The following LTBP1 variants were observed in gnomAD, a reference collection of about 807,000 sequenced individuals.
The protein encoded by LTBP1 is latent-transforming growth factor beta-binding protein 1.
Under a neutral mutation model 207.6 loss-of-function variants are expected in LTBP1, and 129 were observed. The observed-to-expected ratio is 0.62, with a 90% CI of 0.54 to 0.72. The LOEUF (loss-of-function observed/expected upper bound fraction) is 0.72. Among genes scored for constraint, LTBP1 ranks in the 30% least tolerant of loss-of-function variants. The probability of loss-of-function intolerance (pLI) is 0.00; values close to 1 mark genes in which losing one functional copy is unlikely to be tolerated. For missense variants in LTBP1, 2,281 were observed against 2,217.2 expected (o/e 1.03, Z -0.58); for synonymous variants, 963 against 833.7 (o/e 1.16, Z -2.67).
intron 1 of LTBP1, among the ~76,000 whole-genome samples, chr2:32,948,052 G>A (rs1234001561): frequency 2.0e-5 from 3 of 152,220 alleles, no homozygotes; most frequent in African/African-American, 2.4e-5. Context: ...CCGAGCTGCG[G>A]GTAAACACAA....
chr2:33,005,517 A>G (rs924632238), intron 2 of LTBP1, among the ~76,000 whole-genome samples: 5 of 151,242 alleles, frequency 3.3e-5, no homozygotes, highest in Non-Finnish European at 5.9e-5. Context: ...AGGTCTTAGT[A>G]TGGCACTTCT....
intron 13 of LTBP1, 111 bp from the exon 14 acceptor site, chr2:33,262,607 CCTTT>C: frequency 2.5e-6 from 1 of 406,552 alleles, no homozygotes; most frequent in Non-Finnish European, 4.3e-6. Context: ...TATTTCTTTG[CCTTT>C]CTAAGAATAT....
chr2:33,303,692 C>G (rs1447767434), intron 22 of LTBP1, among the ~76,000 whole-genome samples: 2 of 152,110 alleles, frequency 1.3e-5, no homozygotes, highest in African/African-American at 4.8e-5. Flanking sequence ...ACCTAGATCC[C>G]TCACATGCGC....
At chr2:33,136,318 C>G (rs542306737) in intron 5 of LTBP1, among the ~76,000 whole-genome samples, 1 of 152,296 alleles carries the variant, frequency 6.6e-6, no homozygotes, top group East Asian at 1.9e-4. Flanking sequence ...GGATTCTGGT[C>G]CCGGTCCTGC....
At chr2:33,133,628 A>G (rs2081953975) in intron 4 of LTBP1, among the ~76,000 whole-genome samples, 2 of 152,204 alleles carry the variant, frequency 1.3e-5, no homozygotes, top group African/African-American at 4.8e-5. Flanking sequence ...GAGACAGTGC[A>G]GTTCTGCCGT....
intron 7 of LTBP1, among the ~76,000 whole-genome samples, chr2:33,205,537 G>A (rs1431578899): frequency 6.6e-6 from 1 of 152,156 alleles, no homozygotes; most frequent in Non-Finnish European, 1.5e-5. Context: ...CAGGGACTTG[G>A]GTTGATAGTG....
At chr2:33,299,463 C>T (rs2093942964) in intron 20 of LTBP1, among the ~76,000 whole-genome samples, 1 of 152,182 alleles carries the variant, frequency 6.6e-6, no homozygotes, top group Admixed American at 6.5e-5. Flanking sequence ...TAGATTAGGG[C>T]TCCTTTCTCC....
intron 7 of LTBP1, among the ~76,000 whole-genome samples, chr2:33,195,458 A>T (rs1006358099): frequency 1.3e-5 from 2 of 152,326 alleles, no homozygotes. Flanking sequence ...GGGGTACAAA[A>T]TTTCAGTGGA....
Position 33,363,385 on chromosome 2 carries a change from C to T in LTBP1, c.4271-5C>T, listed in dbSNP as rs202241276. 3.7e-5 allele frequency: 60 copies of T among 1,612,882 alleles called. No homozygotes were observed. The highest frequency in any genetic ancestry group is 6.7e-5 in the African/African-American group (5 of 74,800). On this transcript the variant is annotated splice_polypyrimidine_tract_variant and splice_region_variant and intron_variant, in intron 28 of 33. Transcript: ENST00000404816. ...TTTTGTATTTCTCAATTTTTTTCCCCGTAGATGCAGATGAATGCCTACTTT... is the reference window on the plus strand; with the variant it reads ...TTTTGTATTTCTCAATTTTTTTCCCTGTAGATGCAGATGAATGCCTACTTT...
intron 19 of LTBP1, among the ~76,000 whole-genome samples, chr2:33,286,933 G>C (rs919839754): frequency 6.6e-6 from 1 of 152,126 alleles, no homozygotes; most frequent in African/African-American, 2.4e-5. Context: ...ACCTGTTGTG[G>C]GGTGAGGGGA....
At chr2:33,146,611 T>A (rs766893715) in intron 5 of LTBP1, among the ~76,000 whole-genome samples, 13 of 152,272 alleles carry the variant, frequency 8.5e-5, no homozygotes, top group Non-Finnish European at 1.2e-4. Context: ...AAAGAAGAGG[T>A]TTAAGGAACT....
At chr2:33,020,011 G>A (rs982459801) in intron 2 of LTBP1, among the ~76,000 whole-genome samples, 1 of 151,992 alleles carries the variant, frequency 6.6e-6, no homozygotes, top group East Asian at 1.9e-4. Context: ...ACTGTGCCTG[G>A]ACTGATAACT....
At chr2:33,396,805 A>G (rs370024596) in intron 32 of LTBP1, among the ~76,000 whole-genome samples, 2 of 152,346 alleles carry the variant, frequency 1.3e-5, no homozygotes, top group African/African-American at 2.4e-5. Context: ...CCCTACTGCA[A>G]ACTCACGAAG....
intron 26 of LTBP1, among the ~76,000 whole-genome samples, chr2:33,351,862 A>G (rs1053461674): frequency 5.3e-5 from 8 of 152,196 alleles, no homozygotes; most frequent in South Asian, 2.1e-4. Flanking sequence ...TCCTTAAATA[A>G]TAACATCCCA....
At chr2:33,074,300 C>A (rs1176842160) in intron 3 of LTBP1, among the ~76,000 whole-genome samples, 1 of 152,214 alleles carries the variant, frequency 6.6e-6, no homozygotes, top group African/African-American at 2.4e-5. Context: ...ATTTTGCCAC[C>A]ATTTTCTTCT....
intron 8 of LTBP1, among the ~76,000 whole-genome samples, chr2:33,220,419 A>T (rs777210221): frequency 2.0e-5 from 3 of 152,364 alleles, no homozygotes; most frequent in Middle Eastern, 6.8e-3. Context: ...AGCCACATAC[A>T]GAAAGACCTT....
chr2:33,082,909 A>G (rs897699975), intron 3 of LTBP1, among the ~76,000 whole-genome samples: 2 of 151,860 alleles, frequency 1.3e-5, no homozygotes, highest in Admixed American at 1.3e-4. Context: ...TCTGGTCCTC[A>G]CTGGTGGCTA....
In LTBP1 at chr2:33,275,826, C is replaced by T. The variant is rs772368182; in HGVS notation, c.2895C>T (p.Asp965=). Residue 965 remains aspartate, a synonymous_variant, in exon 18 of 34, where the codon GAC becomes GAT. Transcript: ENST00000404816. ...CIDVDECLRP[D]VCGEGHCVNT... is the part of the protein sequence containing the mutation. ...ATGTTGACGAATGCCTGAGGCCGGA[C>T]GTCTGTGGGGAGGGGCACTGTGTCA... The T allele has an allele frequency of 9.9e-6, 16 of 1,613,958 alleles. No individual in the cohort carries two copies. The highest frequency in any genetic ancestry group is 1.7e-5 in the Admixed American group (1 of 59,990).
chr2:33,084,543 CA>C (rs2078638307), intron 3 of LTBP1, among the ~76,000 whole-genome samples: 1 of 152,016 alleles, frequency 6.6e-6, no homozygotes, highest in South Asian at 2.1e-4. Context: ...GCAAGTGGAT[CA>C]AAAAATCAAA....
Sources: gnomAD v4.1 joint callset for allele counts (sites outside exome capture counted in the v4.1 genomes callset) on GRCh38, gnomAD v4.1.1 for gene constraint, MANE v1.5 for transcripts, NCBI Gene and HGNC (gene_info 2026-07-23, HGNC 2026-07-21) for gene names.